IDO2: variants seen among roughly 807,000 people sequenced by gnomAD.
IDO2 encodes indoleamine 2,3-dioxygenase-like 1 protein.
Under a neutral mutation model 45.1 loss-of-function variants are expected in IDO2, and 46 were observed. That is an observed-to-expected ratio of 1.02 (90% CI 0.80 to 1.30). IDO2 has a LOEUF of 1.30. Among genes scored for constraint, IDO2 ranks in the 50% most tolerant of loss-of-function variants. The pLI, the probability that IDO2 is intolerant of heterozygous loss-of-function variation, is 0.00. For synonymous variants in IDO2, 218 were observed against 184.9 expected (o/e 1.18, Z -1.45); for missense variants, 544 against 491.8 (o/e 1.11, Z -1.00).
intron 8 of IDO2, among the ~76,000 whole-genome samples, chr8:40,004,536 T>TAGATAGAC (rs1802188340): frequency 6.6e-6 from 1 of 150,710 alleles, no homozygotes; most frequent in Admixed American, 6.6e-5. Flanking sequence ...GATAGATAGA[T>TAGATAGAC]AGATAGATAG....
chr8:40,009,592 G>C (rs2981150), intron 9 of IDO2, among the ~76,000 whole-genome samples: 36,217 of 152,018 alleles, frequency 0.24, 4,847 homozygotes, highest in Non-Finnish European at 0.31. Flanking sequence ...TAGCAGCTTG[G>C]ACCTGAGAAT....
At position 39,951,885 on chromosome 8, in the gene IDO2, C is replaced by T. The variant is rs867249112; in HGVS notation, c.99+2621C>T. Among the ~76,000 whole-genome samples, 72 of 152,278 alleles carry T rather than the reference C, an allele frequency of 4.7e-4. 2 individuals carry two copies. Among genetic ancestry groups the T allele is most frequent in the Middle Eastern group, 3.4e-3 (1 of 294 alleles). ...TTTGTTCTTTCCTCTTTCATAACTA[C>T]GGAAACAGATGAGAAACATTTACGG... On this transcript the variant is annotated intron_variant, in intron 2 of 10. Coordinates refer to ENST00000502986, the Ensembl canonical transcript of IDO2.
At chr8:39,943,550 A>G (rs1383103725) in intron 1 of IDO2, among the ~76,000 whole-genome samples, 1 of 151,852 alleles carries the variant, frequency 6.6e-6, no homozygotes, top group Non-Finnish European at 1.5e-5. Flanking sequence ...ATCCTGGCTA[A>G]CACAGTGAAA....
At chr8:39,941,820 C>T (rs1254322956) in intron 1 of IDO2, among the ~76,000 whole-genome samples, 1 of 151,964 alleles carries the variant, frequency 6.6e-6, no homozygotes, top group African/African-American at 2.4e-5. Flanking sequence ...CATGGTGGCT[C>T]ACATCTGTAA....
At chr8:39,953,919 C>T (rs183541986) in intron 2 of IDO2, among the ~76,000 whole-genome samples, 2 of 152,328 alleles carry the variant, frequency 1.3e-5, no homozygotes, top group Admixed American at 6.5e-5. Context: ...AATTCCCTGT[C>T]TTGTCCTTAA....
chr8:39,993,325 A>C (rs1317079448), intron 8 of IDO2, among the ~76,000 whole-genome samples: 2 of 152,060 alleles, frequency 1.3e-5, no homozygotes, highest in African/African-American at 4.8e-5. Context: ...TTTTCTCCCC[A>C]AAAAGCCATG....
At chr8:39,953,893 A>G (rs1807849107) in intron 2 of IDO2, among the ~76,000 whole-genome samples, 1 of 152,232 alleles carries the variant, frequency 6.6e-6, no homozygotes, top group South Asian at 2.1e-4. Context: ...AGTTTAAATC[A>G]CACCATTTGT....
chr8:39,994,319 G>A (rs1382403539), intron 8 of IDO2, among the ~76,000 whole-genome samples: 4 of 150,266 alleles, frequency 2.7e-5, no homozygotes, highest in East Asian at 2.0e-4. Flanking sequence ...GTGCGATGGC[G>A]CCATCTCGGT....
chr8:39,971,910 G>A (rs1808185396), intron 3 of IDO2, among the ~76,000 whole-genome samples: 1 of 152,042 alleles, frequency 6.6e-6, no homozygotes, highest in Non-Finnish European at 1.5e-5. Context: ...CCTGGTTCAA[G>A]CAAGTCTCCT....
chr8:40,004,916 C>G (rs1332426416), intron 8 of IDO2, among the ~76,000 whole-genome samples: 1 of 152,238 alleles, frequency 6.6e-6, no homozygotes, highest in African/African-American at 2.4e-5. Context: ...TTCAGACTTT[C>G]AGTTAAGCAT....
At chr8:39,947,682 T>C (rs1173017756) in intron 1 of IDO2, among the ~76,000 whole-genome samples, 1 of 152,204 alleles carries the variant, frequency 6.6e-6, no homozygotes, top group African/African-American at 2.4e-5. Flanking sequence ...CCTGTCTCCT[T>C]TGTTTGGTGT....
At chr8:39,972,133 G>T (rs1269318239) in intron 3 of IDO2, among the ~76,000 whole-genome samples, 1 of 152,152 alleles carries the variant, frequency 6.6e-6, no homozygotes, top group Non-Finnish European at 1.5e-5. Flanking sequence ...TAAGAGATAA[G>T]TTGCTTCTTA....
Position 40,011,157 on chromosome 8 carries a change from C to T in IDO2, c.720-2408C>T, listed in dbSNP as rs185828566. ...AACTCCTGACCTCAATCGATCTCCC[C>T]GCCTGGGCCTCCCAAAGTGCTGGGA... On this transcript the variant is annotated intron_variant, in intron 9 of 10. Transcript: ENST00000502986. Among the ~76,000 whole-genome samples, 253 of 152,262 alleles carry T rather than the reference C, an allele frequency of 1.7e-3. 1 individual carries two copies. Among genetic ancestry groups the T allele is most frequent in the African/African-American group, 5.7e-3 (235 of 41,554 alleles).
At chr8:39,953,762 G>T (rs983198809) in intron 2 of IDO2, among the ~76,000 whole-genome samples, 1 of 151,720 alleles carries the variant, frequency 6.6e-6, no homozygotes, top group Admixed American at 6.6e-5. Context: ...ACGGGGTTTC[G>T]CCATGTTGGC....
At chr8:39,997,841 C>T (rs2543077) in intron 8 of IDO2, 118,413 of 161,904 alleles carry the variant, frequency 0.73, 43,584 homozygotes, top group East Asian at 0.91. Context: ...CCCTACACTC[C>T]CCATCCCATC....
chr8:39,975,256 C>G (rs1001167210), intron 3 of IDO2, among the ~76,000 whole-genome samples: 3 of 151,144 alleles, frequency 2.0e-5, no homozygotes, highest in Non-Finnish European at 4.4e-5. Flanking sequence ...AGCTCCACCT[C>G]CTGGGTTCAC....
At chr8:39,982,224 CTATA>C (rs1292856586) in intron 4 of IDO2, among the ~76,000 whole-genome samples, 11 of 107,370 alleles carry the variant, frequency 1.0e-4, no homozygotes, top group Non-Finnish European at 1.8e-4. Context: ...TCATCTCTCT[CTATA>C]TATGTGTGTA....
chr8:39,949,327 T>G (rs1411577424), intron 2 of IDO2, 63 bp downstream of exon 2: 1 of 1,313,612 alleles, frequency 7.6e-7, no homozygotes, highest in Non-Finnish European at 1.1e-6. Context: ...GGTTGGTTTG[T>G]TTTTTAAAAA....
chr8:39,990,606 C>T (rs1038349423), intron 8 of IDO2, among the ~76,000 whole-genome samples: 5 of 152,232 alleles, frequency 3.3e-5, no homozygotes, highest in Non-Finnish European at 5.9e-5. Flanking sequence ...TATTGATGCT[C>T]ATAGCCAAGG....
Sources: gnomAD v4.1 joint callset for allele counts (sites outside exome capture counted in the v4.1 genomes callset) on GRCh38, gnomAD v4.1.1 for gene constraint, MANE v1.5 for transcripts, NCBI Gene and HGNC (gene_info 2026-07-23, HGNC 2026-07-21) for gene names.